The following FAM227B variants were observed in gnomAD, a reference collection of about 807,000 sequenced individuals.
The protein encoded by FAM227B is protein FAM227B.
Under a neutral mutation model 73.8 loss-of-function variants are expected in FAM227B, and 88 were observed. The observed-to-expected ratio is 1.19, with a 90% CI of 1.00 to 1.42. The LOEUF (loss-of-function observed/expected upper bound fraction) is 1.42. Ranked by LOEUF, FAM227B falls within the 40% of genes most tolerant of loss-of-function variation. The probability of loss-of-function intolerance (pLI) is 0.00; values close to 1 mark genes in which losing one functional copy is unlikely to be tolerated. For synonymous variants in FAM227B, 210 were observed against 190.5 expected (o/e 1.10, Z -0.84); for missense variants, 632 against 590.9 (o/e 1.07, Z -0.72).
chr15:49,535,036 TA>T (rs2060906003), intron 10 of FAM227B, among the ~76,000 whole-genome samples: 1 of 150,816 alleles, frequency 6.6e-6, no homozygotes, highest in African/African-American at 2.4e-5. Flanking sequence ...ACTAGAATAA[TA>T]AGAGCAAATT....
chr15:49,371,400 C>G lies in FAM227B; in HGVS notation c.1013-1G>C. ...ATCTTTATAATATTGAAGTCGATACCTAAAACAGAAAATAAAATACTTTTT... is the reference window on the plus strand; with the variant it reads ...ATCTTTATAATATTGAAGTCGATACGTAAAACAGAAAATAAAATACTTTTT... On this transcript the variant is annotated splice_acceptor_variant, in intron 11 of 15. Transcript: ENST00000299338. LOFTEE classifies it high-confidence loss of function. 6.6e-7 allele frequency: 1 copy of G among 1,510,426 alleles called. No individual in the cohort carries two copies. Among genetic ancestry groups the G allele is most frequent in the South Asian group, 1.2e-5 (1 of 80,356 alleles). 93.6% of individuals were successfully genotyped at this position (1,510,426 alleles called of 1,614,324 possible).
In FAM227B at chr15:49,456,658, A is replaced by C. The variant is rs529440012; in HGVS notation, c.1012+51553T>G. 9.9e-5 allele frequency among the ~76,000 whole-genome samples: 15 copies of C among 152,236 alleles called. No homozygotes were observed. In the East Asian group the frequency reaches 2.9e-3, roughly 29 times the overall value. On this transcript the variant is annotated intron_variant, in intron 11 of 15. Transcript: ENST00000299338. The stretch of plus-strand genomic sequence containing the variant: ...AGTAACTACAAAATAAGGCAGGATA[A>C]GTGTTCTTTCTAAAAAGAGTCAGAG...
At chr15:49,412,239 GATT>G (rs1185033247) in intron 11 of FAM227B, among the ~76,000 whole-genome samples, 2 of 151,966 alleles carry the variant, frequency 1.3e-5, no homozygotes, top group African/African-American at 4.8e-5. Context: ...ACTATAAAAT[GATT>G]AATATAATTT....
chr15:49,577,824 T>A (rs2075557465), intron 5 of FAM227B, among the ~76,000 whole-genome samples, 160 bp from the exon 6 acceptor site: 1 of 152,176 alleles, frequency 6.6e-6, no homozygotes, highest in Non-Finnish European at 1.5e-5. Context: ...ATATTGGAAA[T>A]TCAAAGATGG....
rs573150334 is a variant in FAM227B at position 49,339,354 on chromosome 15, T to G, written c.1272-3858A>C. ...TTTTGTTGATGTTGATATTATTCCTTTCTGTTTGTTAGTTTTCCTTCTAAC... is the reference window on the plus strand; with the variant it reads ...TTTTGTTGATGTTGATATTATTCCTGTCTGTTTGTTAGTTTTCCTTCTAAC... On this transcript the variant is annotated intron_variant, in intron 13 of 15. Coordinates refer to ENST00000299338, the MANE Select transcript of FAM227B (RefSeq NM_152647.3). 2.0e-5 allele frequency among the ~76,000 whole-genome samples: 3 copies of G among 152,320 alleles called. No homozygotes were observed. The East Asian group carries it at 5.8e-4, about 29-fold the overall frequency.
chr15:49,576,683 G>T, intron 7 of FAM227B, 58 bp downstream of exon 7: 1 of 979,768 alleles, frequency 1.0e-6, no homozygotes, highest in South Asian at 1.4e-5. Context: ...GTAAAGGTCT[G>T]ATTCATTAAA....
intron 11 of FAM227B, chr15:49,487,719 A>C (rs2056519987): frequency 6.6e-6 from 1 of 151,948 alleles, no homozygotes; most frequent in Non-Finnish European, 1.5e-5. Context: ...GAATAATGCA[A>C]AGGGGGCCCA....
chr15:49,591,029 GTTTTTTTTTTTTTTGATT>G (rs1016218783), intron 3 of FAM227B, among the ~76,000 whole-genome samples: 2 of 105,608 alleles, frequency 1.9e-5, no homozygotes, highest in African/African-American at 7.0e-5. Flanking sequence ...TCTTTTTTTT[GTTTTTTTTTTTTTTGATT>G]TTTTTTTTTT....
At chr15:49,535,507 A>G (rs1275733909) in intron 10 of FAM227B, among the ~76,000 whole-genome samples, 1 of 151,828 alleles carries the variant, frequency 6.6e-6, no homozygotes, top group South Asian at 2.1e-4. Context: ...AGAAGAATTA[A>G]TATCAACACT....
chr15:49,400,837 T>G (rs1470149994), intron 11 of FAM227B, among the ~76,000 whole-genome samples: 2 of 150,842 alleles, frequency 1.3e-5, no homozygotes, highest in Non-Finnish European at 3.0e-5. Flanking sequence ...TTACACCTTA[T>G]ACAAAAATCA....
chr15:49,588,715 CTGTG>C (rs1387486149), intron 4 of FAM227B, among the ~76,000 whole-genome samples: 4 of 149,668 alleles, frequency 2.7e-5, no homozygotes, highest in East Asian at 3.9e-4. Context: ...ACATGGGTGT[CTGTG>C]TGTATGTGTG....
intron 9 of FAM227B, among the ~76,000 whole-genome samples, chr15:49,559,667 T>C (rs2074073850): frequency 6.6e-6 from 1 of 152,150 alleles, no homozygotes; most frequent in Non-Finnish European, 1.5e-5. Context: ...CCGGGTGTGG[T>C]GGCTCACGCC....
chr15:49,376,389 T>A (rs1003375888), intron 11 of FAM227B, among the ~76,000 whole-genome samples: 1 of 152,146 alleles, frequency 6.6e-6, no homozygotes, highest in Non-Finnish European at 1.5e-5. Flanking sequence ...TCTTTTTACA[T>A]TGAATGGTCT....
chr15:49,523,834 C>T (rs1363369033), intron 10 of FAM227B, among the ~76,000 whole-genome samples: 2 of 152,114 alleles, frequency 1.3e-5, no homozygotes, highest in Non-Finnish European at 2.9e-5. Context: ...GCAAAGGTGA[C>T]TCTTGTTATA....
chr15:49,376,639 C>T lies in FAM227B; in HGVS notation c.1013-5240G>A, dbSNP rs186551185. ...TTTCCATATGAATTTCTATACCATT[C>T]TCAAAACAGGTAGCTAGAATTTAAT... On this transcript the variant is annotated intron_variant, in intron 11 of 15. Transcript: ENST00000299338. Among the ~76,000 whole-genome samples the T allele has an allele frequency of 2.6e-5, 4 of 152,112 alleles. No individual in the cohort carries two copies. In the East Asian group the frequency reaches 5.8e-4, roughly 22 times the overall value.
At chr15:49,553,972 G>A (rs184372485) in intron 9 of FAM227B, among the ~76,000 whole-genome samples, 14 of 152,194 alleles carry the variant, frequency 9.2e-5, no homozygotes, top group Non-Finnish European at 2.1e-4. Flanking sequence ...GGGTATTGCT[G>A]CTAGTTATTC....
rs549626597 is a variant in FAM227B at position 49,415,189 on chromosome 15, G to A, written c.1013-43790C>T. On this transcript the variant is annotated intron_variant, in intron 11 of 15. Transcript: ENST00000299338. ...CATTTTTAAAAGAAAAATTGCTATT[G>A]CTAGTTTTACCCCTCATTTTGCTGC... 2.0e-5 allele frequency among the ~76,000 whole-genome samples: 3 copies of A among 152,074 alleles called. No homozygotes were observed. The South Asian group carries it at 6.2e-4, about 31-fold the overall frequency.
chr15:49,479,447 C>T (rs2055679514), intron 11 of FAM227B, among the ~76,000 whole-genome samples: 1 of 152,028 alleles, frequency 6.6e-6, no homozygotes, highest in Admixed American at 6.6e-5. Flanking sequence ...TTATGTGAGG[C>T]AACGGATACA....
At chr15:49,357,519 T>C (rs928566585) in intron 13 of FAM227B, among the ~76,000 whole-genome samples, 10 of 151,578 alleles carry the variant, frequency 6.6e-5, no homozygotes, top group Admixed American at 2.6e-4. Context: ...ACACATACAC[T>C]CTCCCAAGAC....
Sources: allele counts gnomAD v4.1 joint callset (sites outside exome capture counted in the v4.1 genomes callset), GRCh38; gene constraint gnomAD v4.1.1; transcripts MANE v1.5; gene names NCBI Gene and HGNC (gene_info 2026-07-23, HGNC 2026-07-21).